Variants in CBLB observed in about 807,000 individuals in gnomAD.
CBLB encodes the protein E3 ubiquitin-protein ligase CBL-B.
CBLB carries 31 observed loss-of-function variants against 104.9 expected under a neutral mutation model. The ratio of observed to expected loss-of-function variants is 0.30; its 90% CI spans 0.22 to 0.40. The LOEUF is 0.40. Among genes scored for constraint, CBLB ranks in the 10% least tolerant of loss-of-function variants. The probability of loss-of-function intolerance (pLI) is 1.00; values close to 1 mark genes in which losing one functional copy is unlikely to be tolerated. For missense variants in CBLB, 1,062 were observed against 1,214.6 expected, an observed-to-expected ratio of 0.87 and a Z score of 1.87; for synonymous variants, 440 against 422.6, an observed-to-expected ratio of 1.04 and a Z score of -0.51.
At chr3:105,737,923 A>G (rs888466269) in intron 7 of CBLB, among the ~76,000 whole-genome samples, 1 of 152,244 alleles carries the variant, frequency 6.6e-6, no homozygotes, top group African/African-American at 2.4e-5. Flanking sequence ...ACAAGGTTCT[A>G]TTATCAGGGA....
intron 3 of CBLB, among the ~76,000 whole-genome samples, chr3:105,807,387 T>C (rs2083653448): frequency 6.6e-6 from 1 of 152,146 alleles, no homozygotes. Flanking sequence ...CCAGACCTCG[T>C]AGGTAGAGAT....
At chr3:105,672,768 T>C (rs144067821) in intron 17 of CBLB, 1 of 152,172 alleles carries the variant, frequency 6.6e-6, no homozygotes, top group East Asian at 1.9e-4. Flanking sequence ...ATTTAGTACT[T>C]ATTTGAGAGA....
intron 18 of CBLB, among the ~76,000 whole-genome samples, chr3:105,663,969 C>T (rs962772998): frequency 3.4e-5 from 5 of 148,390 alleles, no homozygotes; most frequent in African/African-American, 7.4e-5. Context: ...TTAAGTGAGA[C>T]GCACTGCTGT....
intron 3 of CBLB, among the ~76,000 whole-genome samples, chr3:105,845,474 G>T (rs2153104642): frequency 6.6e-6 from 1 of 150,950 alleles, no homozygotes; most frequent in Non-Finnish European, 1.5e-5. Flanking sequence ...AGCTAATGGT[G>T]GAATTCATTT....
At chr3:105,806,225 AT>A (rs2083474384) in intron 3 of CBLB, among the ~76,000 whole-genome samples, 1 of 152,198 alleles carries the variant, frequency 6.6e-6, no homozygotes, top group Non-Finnish European at 1.5e-5. Flanking sequence ...GAGATTTTTA[AT>A]TCTCACTTTA....
intron 9 of CBLB, among the ~76,000 whole-genome samples, chr3:105,729,471 A>G (rs1441380849): frequency 6.6e-6 from 1 of 152,132 alleles, no homozygotes; most frequent in African/African-American, 2.4e-5. Context: ...CTTCCTGTGC[A>G]CAGTTAAGCT....
At chr3:105,753,879 T>G (rs960958552) in intron 4 of CBLB, among the ~76,000 whole-genome samples, 1 of 152,184 alleles carries the variant, frequency 6.6e-6, no homozygotes, top group African/African-American at 2.4e-5. Flanking sequence ...TTTAGTCTAA[T>G]GTACCCCTTC....
At chr3:105,714,078 C>G (rs925231772) in intron 10 of CBLB, among the ~76,000 whole-genome samples, 1 of 152,138 alleles carries the variant, frequency 6.6e-6, no homozygotes, top group Non-Finnish European at 1.5e-5. Context: ...AATTTTTGAT[C>G]TTACGGCTCC....
At chr3:105,735,583 T>A (rs1414365057) in intron 8 of CBLB, among the ~76,000 whole-genome samples, 4 of 152,210 alleles carry the variant, frequency 2.6e-5, no homozygotes, top group Admixed American at 2.6e-4. Flanking sequence ...CTTTCCTAAG[T>A]ATCCTTTCAC....
intron 2 of CBLB, among the ~76,000 whole-genome samples, chr3:105,859,682 A>G (rs2091936484): frequency 7.1e-6 from 1 of 141,160 alleles, no homozygotes; most frequent in East Asian, 2.1e-4. Context: ...AAAAAAAAAA[A>G]GAAAGCCCTG....
intron 4 of CBLB, among the ~76,000 whole-genome samples, chr3:105,756,974 G>A (rs1252115115): frequency 6.6e-6 from 1 of 152,068 alleles, no homozygotes; most frequent in African/African-American, 2.4e-5. Flanking sequence ...TTGTTTAAGT[G>A]CACGGCACCT....
At chr3:105,760,299 T>TA (rs1267849335) in intron 4 of CBLB, among the ~76,000 whole-genome samples, 5 of 152,174 alleles carry the variant, frequency 3.3e-5, no homozygotes, top group Non-Finnish European at 7.4e-5. Context: ...TAATAATGTG[T>TA]AAAAATTCCA....
chr3:105,694,631 A>G (rs570216603), intron 12 of CBLB, among the ~76,000 whole-genome samples: 2 of 151,878 alleles, frequency 1.3e-5, no homozygotes, highest in Non-Finnish European at 3.0e-5. Context: ...ACCCTTACCT[A>G]TCAACTTAAA....
At chr3:105,704,625 C>T (rs2069788169) in intron 10 of CBLB, among the ~76,000 whole-genome samples, 1 of 151,824 alleles carries the variant, frequency 6.6e-6, no homozygotes, top group Non-Finnish European at 1.5e-5. Context: ...GTCTATTTTC[C>T]TGCAAACCAA....
chr3:105,846,375 A>G (rs747225328), intron 3 of CBLB, among the ~76,000 whole-genome samples: 1 of 152,060 alleles, frequency 6.6e-6, no homozygotes, highest in Non-Finnish European at 1.5e-5. Flanking sequence ...TAGATATCCA[A>G]TATAGTATAA....
chr3:105,868,265 A>T, intron 1 of CBLB: 3 of 1,226,108 alleles, frequency 2.4e-6, no homozygotes, highest in South Asian at 4.1e-5. Flanking sequence ...GAAAAATGAC[A>T]AGAGCGGCCA....
rs567520941 is a variant in CBLB at position 105,736,053 on chromosome 3, A to T, written c.1071+1118T>A. On this transcript the variant is annotated intron_variant, in intron 8 of 18. Coordinates refer to ENST00000394030, the MANE Select transcript of CBLB (RefSeq NM_170662.5). ...AATAATGTAAAGACCATGGGAAAGG[A>T]AATCTGGAGAATTATAAGGTAAATT... 3.9e-5 allele frequency among the ~76,000 whole-genome samples: 6 copies of T among 152,336 alleles called. No homozygotes were observed. In the East Asian group the frequency reaches 1.2e-3, roughly 29 times the overall value.
At chr3:105,784,068 A>T (rs2152981973) in intron 3 of CBLB, among the ~76,000 whole-genome samples, 1 of 152,342 alleles carries the variant, frequency 6.6e-6, no homozygotes, top group Non-Finnish European at 1.5e-5. Context: ...AAAACCTACT[A>T]CAGTATAAAT....
Position 105,658,892 on chromosome 3 carries a change from T to C in CBLB, c.*78A>G. 1 of 1,498,028 alleles carries C rather than the reference T, an allele frequency of 6.7e-7. No homozygotes were observed. The highest frequency in any genetic ancestry group is 1.7e-5 in the Admixed American group (1 of 59,130). The allele number at this position is 1,498,028 out of a possible 1,614,324, so 92.8% of individuals were successfully genotyped here. A position where few individuals can be genotyped will look rare whatever the true frequency, so the allele number is the denominator to read the frequency against. The stretch of plus-strand genomic sequence containing the variant: ...AGGAGGAGACACTTCTCTCTTGAAT[T>C]CCATCTCAGTTCTCTTTATTTCCAC... On this transcript the variant is annotated 3_prime_UTR_variant, in exon 19 of 19. Transcript: ENST00000394030.
Sources: gnomAD v4.1 joint callset for allele counts (sites outside exome capture counted in the v4.1 genomes callset) on GRCh38, gnomAD v4.1.1 for gene constraint, MANE v1.5 for transcripts, NCBI Gene and HGNC (gene_info 2026-07-23, HGNC 2026-07-21) for gene names.